The following PLA2G4F variants were observed in gnomAD, a reference collection of about 807,000 sequenced individuals.
PLA2G4F encodes cytosolic phospholipase A2 zeta.
In PLA2G4F, 105 loss-of-function variants were observed where a neutral mutation model predicts 103.1. The ratio of observed to expected loss-of-function variants is 1.02; its 90% confidence interval spans 0.87 to 1.20. The LOEUF (loss-of-function observed/expected upper bound fraction) is 1.20. Among genes scored for constraint, PLA2G4F ranks in the 50% most tolerant of loss-of-function variants. The pLI, the probability that PLA2G4F is intolerant of heterozygous loss-of-function variation, is 0.00. For missense variants in PLA2G4F, 1,155 were observed against 1,075.9 expected (o/e 1.07, Z -1.03); for synonymous variants, 468 against 441.1 (o/e 1.06, Z -0.76).
In PLA2G4F at chr15:42,152,594, T is replaced by G. The variant is rs143543335; in HGVS notation, c.601+94A>C. On this transcript the variant is annotated intron_variant, in intron 7 of 19. Transcript: ENST00000397272. ...AGTCGGCTTTGAGCAATGAAAACTTTAAGAACTTCCTGCCCCAGACCCACC... is the reference window on the plus strand; with the variant it reads ...AGTCGGCTTTGAGCAATGAAAACTTGAAGAACTTCCTGCCCCAGACCCACC... The G allele has an allele frequency of 3.4e-4, 450 of 1,333,718 alleles. 4 individuals carry two copies. The East Asian group carries it at 0.011, about 33-fold the overall frequency. 82.6% of individuals were successfully genotyped at this position (1,333,718 alleles called of 1,614,324 possible).
At chr15:42,153,943 A>G in intron 4 of PLA2G4F, 149 bp downstream of exon 4, 7 of 1,258,426 alleles carry the variant, frequency 5.6e-6, no homozygotes, top group East Asian at 2.4e-5. Flanking sequence ...GATGTATTAG[A>G]GGGAGACCTT....
At chr15:42,151,290 G>A in intron 7 of PLA2G4F, 4 of 985,356 alleles carry the variant, frequency 4.1e-6, no homozygotes, top group Non-Finnish European at 4.8e-6. Context: ...AGAATGGGAT[G>A]CGTGGGTACA....
chr15:42,155,729 G>T, intron 1 of PLA2G4F, 140 bp from the exon 2 acceptor site: 1 of 790,698 alleles, frequency 1.3e-6, no homozygotes, highest in Non-Finnish European at 2.1e-6. Flanking sequence ...GGGAGACCTT[G>T]GCGGGTCCCA....
chr15:42,151,542 G>C, intron 7 of PLA2G4F: 3 of 985,324 alleles, frequency 3.0e-6, no homozygotes, highest in Non-Finnish European at 3.6e-6. Flanking sequence ...AAGCAACAGA[G>C]ACCCAAAGTA....
intron 17 of PLA2G4F, 129 bp from the exon 18 acceptor site, chr15:42,144,273 C>G (rs1410653399): frequency 7.1e-7 from 1 of 1,401,022 alleles, no homozygotes; most frequent in Non-Finnish European, 9.6e-7. Context: ...GACTCCTGCC[C>G]CAAGCCCTTG....
At chr15:42,145,433 C>A (rs1490603006) in intron 16 of PLA2G4F, 142 bp downstream of exon 16, 4 of 825,450 alleles carry the variant, frequency 4.8e-6, no homozygotes. Context: ...ACACCCTAAG[C>A]TAGAAGTCAT....
intron 7 of PLA2G4F, chr15:42,151,254 G>A: frequency 1.0e-6 from 1 of 985,352 alleles, no homozygotes; most frequent in Non-Finnish European, 1.2e-6. Flanking sequence ...GTTGGGAGAG[G>A]AAGGTTTGTA....
chr15:42,152,563 A>ATCGT (rs1469796391), intron 7 of PLA2G4F, 125 bp downstream of exon 7: 7 of 1,009,236 alleles, frequency 6.9e-6, no homozygotes, highest in Non-Finnish European at 1.1e-5. Flanking sequence ...AATCCATCCC[A>ATCGT]TCGTTAGTCG....
intron 18 of PLA2G4F, among the ~76,000 whole-genome samples, chr15:42,142,985 C>G (rs1314356983): frequency 6.6e-6 from 1 of 151,954 alleles, no homozygotes; most frequent in African/African-American, 2.4e-5. Context: ...TCAAGACCAC[C>G]CTGGCCAACA....
At position 42,144,058 on chromosome 15, in the gene PLA2G4F, G is replaced by T; in HGVS notation, c.2062C>A (p.Pro688Thr). The change falls in exon 18 of 20, where the codon CCG becomes ACG. Residue 688 changes from proline to threonine, a missense_variant. Transcript: ENST00000397272. ...TGAGGCAGCAGAGCCAGTGGGAACG[G>T]AGAGTTGATGGCAAAGCCTCCGTCC... is the stretch of plus-strand genomic sequence containing the variant. ...LVDGGFAINSPFPLALLPQRA... is the reference protein window; with the variant it reads ...LVDGGFAINSTFPLALLPQRA... 1 of 1,614,128 alleles carries T rather than the reference G, an allele frequency of 6.2e-7. No individual in the cohort carries two copies. Among genetic ancestry groups the T allele is most frequent in the Non-Finnish European group, 8.5e-7 (1 of 1,180,002 alleles).
chr15:42,155,792 G>A (rs377573922), intron 1 of PLA2G4F, among the ~76,000 whole-genome samples: 107 of 152,254 alleles, frequency 7.0e-4, no homozygotes, highest in Admixed American at 1.3e-3. Flanking sequence ...GAACCCATCC[G>A]GTCTGGGTTC....
At chr15:42,152,839 C>A in intron 6 of PLA2G4F, 85 bp from the exon 7 acceptor site, 1 of 1,326,648 alleles carries the variant, frequency 7.5e-7, no homozygotes, top group South Asian at 1.4e-5. Flanking sequence ...AGGGCAGGGT[C>A]TGGGAAACAG....
chr15:42,151,263 T>C (rs1190903925), intron 7 of PLA2G4F: 2 of 985,162 alleles, frequency 2.0e-6, no homozygotes, highest in African/African-American at 3.5e-5. Flanking sequence ...GGAAGGTTTG[T>C]AGAGGCGGGA....
chr15:42,155,423 TACAC>T (rs201404677), intron 2 of PLA2G4F, 90 bp downstream of exon 2: 25 of 1,310,862 alleles, frequency 1.9e-5, no homozygotes, highest in Non-Finnish European at 2.4e-5. Context: ...TGTATACTCT[TACAC>T]ACACACACTC....
At chr15:42,153,790 TA>T (rs1256048562) in intron 4 of PLA2G4F, 130 bp from the exon 5 acceptor site, 2 of 995,078 alleles carry the variant, frequency 2.0e-6, no homozygotes, top group Non-Finnish European at 3.0e-6. Context: ...GTCATGGACA[TA>T]GGAGGGGCAG....
At position 42,142,649 on chromosome 15, in the gene PLA2G4F, G is replaced by T. The variant is rs375575993; in HGVS notation, c.2208C>A (p.Gly736=). The change falls in exon 19 of 20, where the codon GGC becomes GGA. Residue 736 remains glycine, a synonymous_variant. Transcript: ENST00000397272. ...RGIPFPSIEV[G]PEDMEEAREC... ...CACGGGCCTCCTCCATGTCCTCAGG[G>T]CCCACCTCGATGCTAGGGAAGGGGA... The T allele has an allele frequency of 1.9e-6, 3 of 1,614,038 alleles. No individual in the cohort carries two copies. The highest frequency in any genetic ancestry group is 1.7e-6 in the Non-Finnish European group (2 of 1,179,992).
In PLA2G4F at chr15:42,146,157, G is replaced by C; in HGVS notation, c.1504C>G (p.Arg502Gly). The C allele has an allele frequency of 1.2e-6, 2 of 1,614,208 alleles. No homozygotes were observed. Among genetic ancestry groups the C allele is most frequent in the South Asian group, 1.1e-5 (1 of 91,082 alleles). ...PYPIYTSVNV[R>G]TNLSGEDFAE... is the part of the protein sequence containing the mutation. Reference sequence around the variant, plus strand: ...AAATCTTCCCCACTCAAGTTGGTGCGGACGTTGACACTGGTGTAAATGGGG... The same window carrying C: ...AAATCTTCCCCACTCAAGTTGGTGCCGACGTTGACACTGGTGTAAATGGGG... Residue 502 changes from arginine (R) to glycine (G), a missense_variant, in exon 14 of 20, where the codon CGC becomes GGC. By Grantham distance (125) the Arg-to-Gly change is moderately radical. Coordinates refer to ENST00000397272, the MANE Select transcript of PLA2G4F (RefSeq NM_213600.4).
intron 11 of PLA2G4F, among the ~76,000 whole-genome samples, chr15:42,148,031 T>G (rs2048912511): frequency 6.6e-6 from 1 of 151,970 alleles, no homozygotes; most frequent in Non-Finnish European, 1.5e-5. Context: ...ACAAAAAAAT[T>G]AGCCGGGCAT....
At position 42,145,720 on chromosome 15, in the gene PLA2G4F, C is replaced by G. The variant is rs529046898; in HGVS notation, c.1673-38G>C. On this transcript the variant is annotated intron_variant, in intron 15 of 19. Coordinates refer to ENST00000397272, the MANE Select transcript of PLA2G4F (RefSeq NM_213600.4). ...GCAGGCCCCCACCCCACGTCAGGGC[C>G]TGGCCCCGGCACCTGCCTGTCCCCA... 1.9e-6 allele frequency: 3 copies of G among 1,613,600 alleles called. No homozygotes were observed. In the South Asian group the frequency reaches 3.3e-5, roughly 18 times the overall value.
Sources: gnomAD v4.1 joint callset for allele counts (sites outside exome capture counted in the v4.1 genomes callset) on GRCh38, gnomAD v4.1.1 for gene constraint, MANE v1.5 for transcripts, NCBI Gene and HGNC (gene_info 2026-07-23, HGNC 2026-07-21) for gene names.